Variants in TRMU observed in about 807,000 individuals in gnomAD.
The protein encoded by TRMU is tRNA mitochondrial 2-thiouridylase.
Under a neutral mutation model 46.9 loss-of-function variants are expected in TRMU, and 49 were observed. That is an observed-to-expected ratio of 1.05 (90% CI 0.83 to 1.33). The LOEUF is 1.33. Ranked by LOEUF, TRMU falls within the 40% of genes most tolerant of loss-of-function variation. The pLI is 0.00. For synonymous variants in TRMU, 241 were observed against 200.9 expected, an observed-to-expected ratio of 1.20 and a Z score of -1.69; for missense variants, 572 against 532.4, an observed-to-expected ratio of 1.07 and a Z score of -0.73.
At chr22:46,352,669 C>T (rs2147097717) in intron 7 of TRMU, 1 of 400,664 alleles carries the variant, frequency 2.5e-6, no homozygotes, top group East Asian at 5.8e-5. Flanking sequence ...CACAAAACTC[C>T]ACTCTGATTC....
chr22:46,335,791 C>A lies in TRMU; in HGVS notation c.27C>A (p.Cys9Ter). 1.3e-6 allele frequency: 2 copies of A among 1,560,986 alleles called. No homozygotes were observed. Among genetic ancestry groups the A allele is most frequent in the Middle Eastern group, 1.7e-4 (1 of 5,962 alleles). Residue 9 changes from cysteine (C) to a stop codon, truncating the protein, a stop_gained, in exon 1 of 11, where the codon TGC (cysteine) becomes TGA (stop). Coordinates refer to ENST00000645190, the MANE Select transcript of TRMU (RefSeq NM_018006.5). LOFTEE classifies it high-confidence loss of function. ...TGCAGGCCTTGCGGCACGTCGTGTG[C>A]GCCCTGTCCGGCGGCGTGGACAGCG... MQALRHVVCALSGGVDSAV... is the reference protein window; with the variant it reads MQALRHVV
chr22:46,355,673 G>A, intron 9 of TRMU, 85 bp downstream of exon 9: 1 of 1,605,296 alleles, frequency 6.2e-7, no homozygotes, highest in Non-Finnish European at 8.5e-7. Context: ...GGGAGACCCT[G>A]GGGTAGGAAA....
chr22:46,336,314 G>A lies in TRMU; in HGVS notation c.82+468G>A. ...AGACTGGACAACTGCCGCGCGGCGG[G>A]TCTGCTTGTTCAGCGTCTCCTGTGT... is the stretch of plus-strand genomic sequence containing the variant. On this transcript the variant is annotated intron_variant, in intron 1 of 10. Coordinates refer to ENST00000645190, the MANE Select transcript of TRMU (RefSeq NM_018006.5). This position sits in a 1 kb window ranked among gnomAD's most constrained non-coding sequence, Gnocchi z 4.1. 1 of 208,922 alleles carries A rather than the reference G, an allele frequency of 4.8e-6. No homozygotes were observed. Among genetic ancestry groups the A allele is most frequent in the Non-Finnish European group, 8.5e-6 (1 of 117,532 alleles). The allele number at this position is 208,922 out of a possible 1,614,324, so 12.9% of individuals were successfully genotyped here. A position where few individuals can be genotyped will look rare whatever the true frequency, so the allele number is the denominator to read the frequency against.
At chr22:46,344,149 A>G (rs2078193311) in intron 3 of TRMU, among the ~76,000 whole-genome samples, 1 of 152,222 alleles carries the variant, frequency 6.6e-6, no homozygotes, top group Admixed American at 6.5e-5. Context: ...TCCTAGGACA[A>G]GATTGGAAAG....
chr22:46,345,256 A>G (rs1050145838), intron 3 of TRMU, among the ~76,000 whole-genome samples: 3 of 152,080 alleles, frequency 2.0e-5, no homozygotes, highest in Non-Finnish European at 4.4e-5. Context: ...CTTTTTTTGT[A>G]GAGACGGGGT....
rs1477443285 is a variant in TRMU, at chr22:46,351,514, A to G, written c.652-607A>G. The G allele has an allele frequency of 1.1e-5, 2 of 185,754 alleles. No homozygotes were observed. The highest frequency in any genetic ancestry group is 2.3e-5 in the Non-Finnish European group (2 of 87,288). 11.5% of individuals were successfully genotyped at this position (185,754 alleles called of 1,614,324 possible). On this transcript the variant is annotated intron_variant, in intron 5 of 10. Transcript: ENST00000645190. The surrounding 1 kb of genome is among the most constrained non-coding windows in gnomAD (Gnocchi z 6.4). Reference sequence around the variant, plus strand: ...CTTTCATCAGAGCCATCTTCCCTGAAGAGCACGCCCACCGCCCGTCCTCCT... The same window carrying G: ...CTTTCATCAGAGCCATCTTCCCTGAGGAGCACGCCCACCGCCCGTCCTCCT...
Position 46,342,015 on chromosome 22 carries a change from A to G in TRMU, c.249-1247A>G, listed in dbSNP as rs2078134972. On this transcript the variant is annotated intron_variant, in intron 2 of 10. Coordinates refer to ENST00000645190, the MANE Select transcript of TRMU (RefSeq NM_018006.5). The surrounding 1 kb of genome is among the most constrained non-coding windows in gnomAD (Gnocchi z 4.7). ...CTCACGGAAGAAGGCTTCTGTGACAAAGGTGTGGGGGGTTTTCCCCATACA... is the reference window on the plus strand; with the variant it reads ...CTCACGGAAGAAGGCTTCTGTGACAGAGGTGTGGGGGGTTTTCCCCATACA... Among the ~76,000 whole-genome samples, 1 of 152,108 alleles carries G rather than the reference A, an allele frequency of 6.6e-6. No homozygotes were observed. Among genetic ancestry groups the G allele is most frequent in the Non-Finnish European group, 1.5e-5 (1 of 68,016 alleles).
intron 2 of TRMU, among the ~76,000 whole-genome samples, chr22:46,341,000 C>G (rs984646103): frequency 2.0e-5 from 3 of 152,222 alleles, no homozygotes; most frequent in Admixed American, 6.5e-5. Flanking sequence ...CTCTCTAGCT[C>G]AGAGATTTCT....
chr22:46,341,691 G>A (rs2078127098), intron 2 of TRMU, among the ~76,000 whole-genome samples: 1 of 151,494 alleles, frequency 6.6e-6, no homozygotes, highest in Non-Finnish European at 1.5e-5. Flanking sequence ...CTCTTGAAGT[G>A]AATCCTCGAA....
In TRMU at chr22:46,356,943, G is replaced by A. The variant is rs201138484; in HGVS notation, c.1203G>A (p.Gly401=). ...TCCAGAAGGGCCAGCGCAGAGCTGG[G>A]ATGGCCACTGAGAGCCCCAGTGACA... The part of the protein sequence containing the change: ...YTLQKGQRRA[G]MATESPSDSP... The change falls in exon 11 of 11, where the codon GGG becomes GGA. Residue 401 remains glycine, a synonymous_variant. Coordinates refer to ENST00000645190, the MANE Select transcript of TRMU (RefSeq NM_018006.5). The A allele has an allele frequency of 3.7e-6, 6 of 1,613,508 alleles. No homozygotes were observed. The Admixed American group carries it at 1.0e-4, about 27-fold the overall frequency.
In TRMU at chr22:46,350,719, C is replaced by T. The variant is rs1344037550; in HGVS notation, c.651+256C>T. Among the ~76,000 whole-genome samples the T allele has an allele frequency of 1.3e-5, 2 of 152,216 alleles. No homozygotes were observed. The highest frequency in any genetic ancestry group is 6.5e-5 in the Admixed American group (1 of 15,280). ...CCTATGTGGTAGGCAGCTTTCCCCA[C>T]AGCCTTAGCAGCTGGTGGGGTGCTC... On this transcript the variant is annotated intron_variant, in intron 5 of 10. Transcript: ENST00000645190. This position sits in a 1 kb window ranked among gnomAD's most constrained non-coding sequence, Gnocchi z 4.6.
In TRMU at chr22:46,351,021, C is replaced by T. The variant is rs1408872990; in HGVS notation, c.651+558C>T. Reference sequence around the variant, plus strand: ...TCAGTGTAAACCTAGAAAATGTCTACGGAGGGAGGTGTAGGACCCTGGGTG... The same window carrying T: ...TCAGTGTAAACCTAGAAAATGTCTATGGAGGGAGGTGTAGGACCCTGGGTG... On this transcript the variant is annotated intron_variant, in intron 5 of 10. Transcript: ENST00000645190. The surrounding 1 kb of genome is among the most constrained non-coding windows in gnomAD (Gnocchi z 6.4). 3.3e-5 allele frequency among the ~76,000 whole-genome samples: 5 copies of T among 152,262 alleles called. No homozygotes were observed. Among genetic ancestry groups the T allele is most frequent in the South Asian group, 2.1e-4 (1 of 4,818 alleles).
Position 46,339,826 on chromosome 22 carries a change from A to T in TRMU, c.248+1882A>T, listed in dbSNP as rs574618387. On this transcript the variant is annotated intron_variant, in intron 2 of 10. Coordinates refer to ENST00000645190, the MANE Select transcript of TRMU (RefSeq NM_018006.5). The surrounding 1 kb of genome is among the most constrained non-coding windows in gnomAD (Gnocchi z 4.8). ...ACAACATGGACAAAACTGATGGCTG[A>T]ATTTTCCTGGGGAAAGTTACCTGTA... Among the ~76,000 whole-genome samples the T allele has an allele frequency of 5.3e-5, 8 of 152,296 alleles. No homozygotes were observed. In the South Asian group the frequency reaches 1.7e-3, roughly 32 times the overall value.
At position 46,338,026 on chromosome 22, in the gene TRMU, G is replaced by A. The variant is rs887692280; in HGVS notation, c.248+82G>A. On this transcript the variant is annotated intron_variant, in intron 2 of 10. Coordinates refer to ENST00000645190, the MANE Select transcript of TRMU (RefSeq NM_018006.5). This position sits in a 1 kb window ranked among gnomAD's most constrained non-coding sequence, Gnocchi z 4.5. ...GAAGGATCCGGTAACCAGCCAGACCGACGCCTGTGCTGCAGCCCAGCGCTC... is the reference window on the plus strand; with the variant it reads ...GAAGGATCCGGTAACCAGCCAGACCAACGCCTGTGCTGCAGCCCAGCGCTC... 2.7e-5 allele frequency: 43 copies of A among 1,583,784 alleles called. No individual in the cohort carries two copies. The highest frequency in any genetic ancestry group is 1.2e-4 in the Admixed American group (7 of 59,918).
intron 2 of TRMU, 38 bp downstream of exon 2, chr22:46,337,982 A>C: frequency 1.2e-6 from 2 of 1,613,348 alleles, no homozygotes; most frequent in Middle Eastern, 1.7e-4. Flanking sequence ...GCTTCCTCAC[A>C]CTGTGGATCC....
rs562602029 is a variant in TRMU, at chr22:46,348,329, G to A, written c.478+1785G>A. 4.6e-5 allele frequency among the ~76,000 whole-genome samples: 7 copies of A among 152,320 alleles called. No homozygotes were observed. In the South Asian group the frequency reaches 1.2e-3, roughly 27 times the overall value. On this transcript the variant is annotated intron_variant, in intron 4 of 10. Transcript: ENST00000645190. The surrounding 1 kb of genome is among the most constrained non-coding windows in gnomAD (Gnocchi z 4.8). ...CGGAAACTTGGGACAGTACTGATGC[G>A]TTCTGTTGAGTGCGTTTGGCATGTG...
rs1226540877 is a variant in TRMU, at chr22:46,347,704, C to G, written c.478+1160C>G. Among the ~76,000 whole-genome samples the G allele has an allele frequency of 6.6e-6, 1 of 152,188 alleles. No individual in the cohort carries two copies. The highest frequency in any genetic ancestry group is 1.5e-5 in the Non-Finnish European group (1 of 68,032). On this transcript the variant is annotated intron_variant, in intron 4 of 10. Coordinates refer to ENST00000645190, the MANE Select transcript of TRMU (RefSeq NM_018006.5). The surrounding 1 kb of genome is among the most constrained non-coding windows in gnomAD (Gnocchi z 5.0). ...GTCCATGAGGTGTATGCTCTCATCC[C>G]GTTTCACAGATGAGGAAACCGAGGC...
At position 46,338,888 on chromosome 22, in the gene TRMU, G is replaced by T. The variant is rs2078049390; in HGVS notation, c.248+944G>T. 6.6e-6 allele frequency among the ~76,000 whole-genome samples: 1 copy of T among 152,220 alleles called. No individual in the cohort carries two copies. Among genetic ancestry groups the T allele is most frequent in the Non-Finnish European group, 1.5e-5 (1 of 68,046 alleles). ...GCCTGAGTGGGCTTTAGGGGCAGAA[G>T]AGCCTTGGGTTGAGTCCTGACTGTA... On this transcript the variant is annotated intron_variant, in intron 2 of 10. Coordinates refer to ENST00000645190, the MANE Select transcript of TRMU (RefSeq NM_018006.5). This position sits in a 1 kb window ranked among gnomAD's most constrained non-coding sequence, Gnocchi z 4.5.
chr22:46,346,670 T>C, intron 4 of TRMU, 126 bp downstream of exon 4: 3 of 1,190,318 alleles, frequency 2.5e-6, no homozygotes, highest in East Asian at 2.6e-5. Flanking sequence ...GTAGCTTGTA[T>C]GGGATTCACA....
Sources: allele counts gnomAD v4.1 joint callset (sites outside exome capture counted in the v4.1 genomes callset), GRCh38; gene constraint gnomAD v4.1.1; non-coding constraint Gnocchi (gnomAD v3.1); transcripts MANE v1.5; gene names NCBI Gene and HGNC (gene_info 2026-07-23, HGNC 2026-07-21).